Variants in CNMD observed in about 807,000 individuals in gnomAD.
CNMD encodes leukocyte cell-derived chemotaxin 1.
In CNMD, 30 loss-of-function variants were observed where a neutral mutation model predicts 37.5. That is an observed-to-expected ratio of 0.80 (90% confidence interval 0.60 to 1.09). The LOEUF (loss-of-function observed/expected upper bound fraction) is 1.09. Ranked by LOEUF, CNMD falls within the 50% of genes least tolerant of loss-of-function variation. The pLI is 0.00. For synonymous variants in CNMD, 167 were observed against 148.2 expected (o/e 1.13, Z -0.92); for missense variants, 398 against 423.9 (o/e 0.94, Z 0.54).
intron 4 of CNMD, 59 bp from the exon 5 acceptor site, chr13:52,712,928 A>G: frequency 7.5e-7 from 1 of 1,328,404 alleles, no homozygotes; most frequent in Non-Finnish European, 1.0e-6. Context: ...TTGTATTAAG[A>G]GTCATGTGTT....
chr13:52,735,264 T>A (rs770238406), intron 2 of CNMD, among the ~76,000 whole-genome samples: 46 of 152,120 alleles, frequency 3.0e-4, no homozygotes, highest in South Asian at 1.5e-3. Flanking sequence ...TGTCCGGTGC[T>A]CTCTGAGCAG....
At chr13:52,727,687 A>C (rs1361619071) in intron 3 of CNMD, among the ~76,000 whole-genome samples, 1 of 152,222 alleles carries the variant, frequency 6.6e-6, no homozygotes, top group Non-Finnish European at 1.5e-5. Flanking sequence ...TAAATGAAAT[A>C]AGCCAGGCAC....
In CNMD at chr13:52,703,564, T is replaced by C; in HGVS notation, c.*31A>G. On this transcript the variant is annotated 3_prime_UTR_variant, in exon 7 of 7. Coordinates refer to ENST00000377962, the MANE Select transcript of CNMD (RefSeq NM_007015.3). The stretch of plus-strand genomic sequence containing the variant: ...TTTGGTTGTCTCTTCAGCTAGTTCT[T>C]ATTTTACAGCACATGATATATGAAG... The C allele has an allele frequency of 1.3e-6, 2 of 1,490,630 alleles. No homozygotes were observed. The highest frequency in any genetic ancestry group is 2.8e-5 in the African/African-American group (2 of 72,584). 92.3% of individuals were successfully genotyped at this position (1,490,630 alleles called of 1,614,324 possible).
At chr13:52,712,609 A>C (rs1045839367) in intron 5 of CNMD, 107 bp downstream of exon 5, 1 of 652,952 alleles carries the variant, frequency 1.5e-6, no homozygotes, top group Non-Finnish European at 2.4e-6. Flanking sequence ...ATGCATCCTG[A>C]TTTATCCTCC....
Position 52,703,570 on chromosome 13 carries a change from A to G in CNMD, c.*25T>C. The G allele has an allele frequency of 6.6e-7, 1 of 1,518,440 alleles. No individual in the cohort carries two copies. The highest frequency in any genetic ancestry group is 9.1e-7 in the Non-Finnish European group (1 of 1,096,732). 94.1% of individuals were successfully genotyped at this position (1,518,440 alleles called of 1,614,324 possible). On this transcript the variant is annotated 3_prime_UTR_variant, in exon 7 of 7. Transcript: ENST00000377962. ...TGTCTCTTCAGCTAGTTCTTATTTT[A>G]CAGCACATGATATATGAAGTGATTT... is the stretch of plus-strand genomic sequence containing the variant.
rs909160549 is a variant in CNMD at position 52,703,282 on chromosome 13, T to A, written c.*313A>T. ...ATTGAGATTTTTGGCAAACTGTAAA[T>A]TTTCATGTTTATTTCAAAATAGCTT... On this transcript the variant is annotated 3_prime_UTR_variant, in exon 7 of 7. Transcript: ENST00000377962. 4.5e-6 allele frequency: 1 copy of A among 222,596 alleles called. No homozygotes were observed. Among genetic ancestry groups the A allele is most frequent in the African/African-American group, 2.3e-5 (1 of 44,230 alleles). The allele number at this position is 222,596 out of a possible 1,614,324, so 13.8% of individuals were successfully genotyped here. A position where few individuals can be genotyped will look rare whatever the true frequency, so the allele number is the denominator to read the frequency against.
chr13:52,709,890 T>G (rs998553986), intron 5 of CNMD, among the ~76,000 whole-genome samples: 8 of 152,124 alleles, frequency 5.3e-5, no homozygotes, highest in Non-Finnish European at 1.0e-4. Context: ...GGAGAATCGC[T>G]TGAACCTGGG....
intron 4 of CNMD, among the ~76,000 whole-genome samples, chr13:52,719,394 G>T (rs149125834): frequency 2.6e-5 from 4 of 152,034 alleles, no homozygotes; most frequent in Non-Finnish European, 5.9e-5. Flanking sequence ...TATTTTGCCC[G>T]TTAGTTGATG....
At chr13:52,721,712 C>T (rs1964486165) in intron 4 of CNMD, among the ~76,000 whole-genome samples, 1 of 152,194 alleles carries the variant, frequency 6.6e-6, no homozygotes. Context: ...TCACTGGGAG[C>T]TGCAAACTGG....
chr13:52,718,724 C>G (rs541522165), intron 4 of CNMD, among the ~76,000 whole-genome samples: 2 of 152,194 alleles, frequency 1.3e-5, no homozygotes, highest in Admixed American at 6.6e-5. Flanking sequence ...GATTTCCATT[C>G]TTTTGCATTT....
At chr13:52,723,655 C>T (rs906266436) in intron 4 of CNMD, among the ~76,000 whole-genome samples, 1 of 152,056 alleles carries the variant, frequency 6.6e-6, no homozygotes, top group Non-Finnish European at 1.5e-5. Flanking sequence ...TTAGGCTGGG[C>T]GCGGTGGCTC....
chr13:52,711,138 G>A (rs1964283901), intron 5 of CNMD, among the ~76,000 whole-genome samples: 4 of 152,170 alleles, frequency 2.6e-5, no homozygotes, highest in Admixed American at 2.6e-4. Flanking sequence ...CCTACAACAA[G>A]TTTATGGCAC....
chr13:52,730,711 T>C (rs1964651700), intron 3 of CNMD, among the ~76,000 whole-genome samples: 1 of 152,208 alleles, frequency 6.6e-6, no homozygotes, highest in Admixed American at 6.5e-5. Context: ...AAATGGGGCA[T>C]TCAGTCCAAG....
chr13:52,711,277 G>C (rs1964285712), intron 5 of CNMD, among the ~76,000 whole-genome samples: 1 of 152,170 alleles, frequency 6.6e-6, no homozygotes, highest in African/African-American at 2.4e-5. Flanking sequence ...AGCTGGAAAA[G>C]ATGGGAGTTC....
chr13:52,733,105 C>G (rs770655278), intron 3 of CNMD, 114 bp downstream of exon 3: 2 of 1,008,850 alleles, frequency 2.0e-6, no homozygotes, highest in East Asian at 4.7e-5. Flanking sequence ...ACTACAACTG[C>G]TATAAAGAAC....
At chr13:52,706,791 C>T in intron 6 of CNMD, among the ~76,000 whole-genome samples, 1 of 152,056 alleles carries the variant, frequency 6.6e-6, no homozygotes, top group East Asian at 1.9e-4. Context: ...GACAAATAGT[C>T]ATTGTTAATA....
At chr13:52,733,771 T>C (rs1324899358) in intron 2 of CNMD, among the ~76,000 whole-genome samples, 1 of 152,186 alleles carries the variant, frequency 6.6e-6, no homozygotes, top group Non-Finnish European at 1.5e-5. Context: ...TTGAGCACTA[T>C]TGATGGATAA....
At chr13:52,738,594 G>T (rs1964815567) in intron 2 of CNMD, among the ~76,000 whole-genome samples, 1 of 152,114 alleles carries the variant, frequency 6.6e-6, no homozygotes, top group Non-Finnish European at 1.5e-5. Context: ...CTGAATATGG[G>T]TCTGAATATT....
intron 3 of CNMD, among the ~76,000 whole-genome samples, chr13:52,724,829 G>A (rs1441939026): frequency 4.6e-5 from 7 of 152,028 alleles, no homozygotes; most frequent in Non-Finnish European, 1.5e-5. Context: ...CCCGGGAGGT[G>A]GAGGTTGCAG....
Sources: allele counts gnomAD v4.1 joint callset (sites outside exome capture counted in the v4.1 genomes callset), GRCh38; gene constraint gnomAD v4.1.1; transcripts MANE v1.5; gene names NCBI Gene and HGNC (gene_info 2026-07-23, HGNC 2026-07-21).